Variants in PTK2B observed in about 807,000 individuals in gnomAD.
PTK2B encodes protein-tyrosine kinase 2-beta.
In PTK2B, 71 loss-of-function variants were observed where a neutral mutation model predicts 142.9. The observed-to-expected ratio is 0.50, with a 90% CI of 0.41 to 0.61. The LOEUF (loss-of-function observed/expected upper bound fraction) is 0.61. Ranked by LOEUF, PTK2B falls within the 20% of genes least tolerant of loss-of-function variation. The probability of loss-of-function intolerance (pLI) is 0.00; values close to 1 mark genes in which losing one functional copy is unlikely to be tolerated. For synonymous variants in PTK2B, 519 were observed against 503.4 expected, an observed-to-expected ratio of 1.03 and a Z score of -0.42; for missense variants, 1,105 against 1,320.4, an observed-to-expected ratio of 0.84 and a Z score of 2.53.
At chr8:27,438,309 C>A (rs1342486309) in intron 18 of PTK2B, among the ~76,000 whole-genome samples, 4 of 152,054 alleles carry the variant, frequency 2.6e-5, no homozygotes, top group Non-Finnish European at 5.9e-5. Context: ...TGCCGACACC[C>A]CTGGGCTGCC....
chr8:27,436,950 A>G (rs1810816207), intron 15 of PTK2B, among the ~76,000 whole-genome samples, 172 bp from the exon 16 acceptor site: 1 of 152,138 alleles, frequency 6.6e-6, no homozygotes, highest in Admixed American at 6.5e-5. Context: ...ATCAAGAAGA[A>G]GGGGAGTGGA....
intron 1 of PTK2B, among the ~76,000 whole-genome samples, chr8:27,358,037 A>G (rs1183690056): frequency 6.6e-6 from 1 of 152,166 alleles, no homozygotes; most frequent in Non-Finnish European, 1.5e-5. Context: ...TTGGATTTCT[A>G]TGGGGTTGCA....
chr8:27,444,187 A>G lies in PTK2B; in HGVS notation c.2149-19A>G, dbSNP rs1482341332. ...CAAGGAGAGGGACAGAGACTGACCC[A>G]TCTGTGTTCTCTCTCCAGCCCAGCC... is the stretch of plus-strand genomic sequence containing the variant. On this transcript the variant is annotated intron_variant, in intron 22 of 30. Transcript: ENST00000346049. The G allele has an allele frequency of 6.2e-7, 1 of 1,605,260 alleles. No individual in the cohort carries two copies. The highest frequency in any genetic ancestry group is 8.5e-7 in the Non-Finnish European group (1 of 1,172,164).
chr8:27,437,901 C>T (rs1459037303), intron 18 of PTK2B, 21 bp downstream of exon 18: 1 of 1,586,264 alleles, frequency 6.3e-7, no homozygotes. Context: ...AGGGAGTGGC[C>T]AGCGGTATGG....
intron 1 of PTK2B, among the ~76,000 whole-genome samples, chr8:27,364,291 C>T (rs779652438): frequency 3.9e-5 from 6 of 152,210 alleles, no homozygotes; most frequent in African/African-American, 7.2e-5. Flanking sequence ...CAGGGCAGTT[C>T]GTTTCCATAC....
intron 2 of PTK2B, among the ~76,000 whole-genome samples, chr8:27,419,425 C>T (rs1354707028): frequency 1.3e-5 from 2 of 152,206 alleles, no homozygotes; most frequent in Admixed American, 6.5e-5. Context: ...TTAGTTTCTC[C>T]ATCAGCCACA....
intron 3 of PTK2B, among the ~76,000 whole-genome samples, chr8:27,315,900 A>G (rs1226885416): frequency 2.0e-5 from 3 of 152,144 alleles, no homozygotes; most frequent in Non-Finnish European, 4.4e-5. Context: ...GTTCTGACCA[A>G]CTTAGATGCT....
At chr8:27,320,568 C>G (rs1803189073), upstream of PTK2B, among the ~76,000 whole-genome samples, 4 of 152,124 alleles carry the variant, frequency 2.6e-5, no homozygotes, top group Admixed American at 2.0e-4. Context: ...TCACAAAGCT[C>G]AGAGAAACAC....
At chr8:27,310,949 C>T (rs1189301339), upstream of PTK2B, 1 of 1,612,658 alleles carries the variant, frequency 6.2e-7, no homozygotes, top group Non-Finnish European at 8.5e-7. Flanking sequence ...ACGCGAGAAG[C>T]GGTAGCTGGT....
chr8:27,454,551 G>T lies in PTK2B; in HGVS notation c.2754G>T (p.Arg918=). The T allele has an allele frequency of 6.2e-7, 1 of 1,614,208 alleles. No individual in the cohort carries two copies. The highest frequency in any genetic ancestry group is 8.5e-7 in the Non-Finnish European group (1 of 1,180,028). ...CCCAGAATGTGGGGCTGACCCTGCG[G>T]AAGCTCATCGGGAGCGTGGATGATC... The part of the protein sequence containing the change: ...VVVKNVGLTL[R]KLIGSVDDLL... Residue 918 remains arginine (R), a synonymous_variant, in exon 30 of 31, where the codon CGG becomes CGT. Transcript: ENST00000346049.
intron 1 of PTK2B, among the ~76,000 whole-genome samples, chr8:27,350,782 A>G (rs1586137620): frequency 6.6e-6 from 1 of 150,564 alleles, no homozygotes; most frequent in Non-Finnish European, 1.5e-5. Context: ...GTTCAAGACC[A>G]CTCTGGCCAA....
At chr8:27,310,769 C>A, upstream of PTK2B, 1 of 1,541,546 alleles carries the variant, frequency 6.5e-7, no homozygotes, top group South Asian at 1.2e-5. Context: ...CCAGACCCGG[C>A]TCGGCCGCCT....
chr8:27,374,030 T>TGA (rs559277035), intron 1 of PTK2B, among the ~76,000 whole-genome samples: 9 of 151,674 alleles, frequency 5.9e-5, no homozygotes, highest in Admixed American at 2.0e-4. Flanking sequence ...ACCAAAGCAG[T>TGA]GAGAAAGCAG....
chr8:27,410,221 A>T (rs1457949182), intron 2 of PTK2B, among the ~76,000 whole-genome samples: 1 of 152,216 alleles, frequency 6.6e-6, no homozygotes, highest in Non-Finnish European at 1.5e-5. Context: ...GGAGGCTTGC[A>T]TTGGAGGAAG....
upstream of PTK2B, chr8:27,310,783 G>A (rs2130352761): frequency 6.4e-7 from 1 of 1,558,196 alleles, no homozygotes; most frequent in Non-Finnish European, 8.7e-7. Flanking sequence ...GCCGCCTCGT[G>A]CAAATCGCTG....
At chr8:27,442,793 C>T (rs921464585) in intron 21 of PTK2B, 82 bp from the exon 22 acceptor site, 1 of 1,250,472 alleles carries the variant, frequency 8.0e-7, no homozygotes, top group Non-Finnish European at 1.2e-6. Context: ...CTCTCTGGGC[C>T]TCCACGAAGT....
At chr8:27,330,644 G>A (rs912641996) in intron 1 of PTK2B, among the ~76,000 whole-genome samples, 1 of 152,176 alleles carries the variant, frequency 6.6e-6, no homozygotes, top group African/African-American at 2.4e-5. Flanking sequence ...CAGAGGGGGA[G>A]GGGATAGCTT....
rs776956648 is a variant in PTK2B, at chr8:27,440,427, G to A, written c.2025G>A (p.Leu675=). ...DPSDRPRFTE[L]VCSLSDVYQM... ...GTGACCGGCCCCGCTTCACCGAGCT[G>A]GTGTGCAGCCTCAGGTGAGCATGGA... Residue 675 remains leucine, a synonymous_variant, in exon 21 of 31, where the codon CTG becomes CTA. Transcript: ENST00000346049. The A allele has an allele frequency of 3.7e-6, 6 of 1,613,854 alleles. No individual in the cohort carries two copies. Among genetic ancestry groups the A allele is most frequent in the Non-Finnish European group, 3.4e-6 (4 of 1,180,008 alleles).
chr8:27,390,574 G>A (rs1415375144), intron 1 of PTK2B, among the ~76,000 whole-genome samples: 1 of 152,156 alleles, frequency 6.6e-6, no homozygotes, highest in Non-Finnish European at 1.5e-5. Context: ...CCAGGAGTTT[G>A]AGGCTGTAGT....
Sources: allele counts gnomAD v4.1 joint callset (sites outside exome capture counted in the v4.1 genomes callset), GRCh38; gene constraint gnomAD v4.1.1; transcripts MANE v1.5; gene names NCBI Gene and HGNC (gene_info 2026-07-23, HGNC 2026-07-21).